Variants in KCND3 observed in about 807,000 individuals in gnomAD.
The protein encoded by KCND3 is A-type voltage-gated potassium channel KCND3.
In KCND3, 9 loss-of-function variants were observed where a neutral mutation model predicts 51.1. That is an observed-to-expected ratio of 0.18 (90% CI 0.11 to 0.31). KCND3 has a LOEUF of 0.31. Ranked by LOEUF, KCND3 falls within the 10% of genes least tolerant of loss-of-function variation. KCND3 has a pLI of 1.00. For missense variants in KCND3, 526 were observed against 903.8 expected (o/e 0.58, Z 5.36); for synonymous variants, 349 against 368.0 (o/e 0.95, Z 0.59).
At chr1:111,816,180 G>A (rs982002660) in intron 2 of KCND3, among the ~76,000 whole-genome samples, 6 of 152,372 alleles carry the variant, frequency 3.9e-5, no homozygotes, top group South Asian at 2.1e-4. Context: ...GTGTGGCCAG[G>A]AGGCAAACCC....
In KCND3 at chr1:111,774,780, G is replaced by T. The variant is rs1664041692; in HGVS notation, c.*1297C>A. ...GTTTGATATAAGTCAGAGGAATCTT[G>T]GTCCCCGTACCACTGCCCTCTCTGG... On this transcript the variant is annotated 3_prime_UTR_variant, in exon 8 of 8. Coordinates refer to ENST00000302127, the MANE Select transcript of KCND3 (RefSeq NM_001378969.1). 6.6e-6 allele frequency: 1 copy of T among 152,148 alleles called. No homozygotes were observed. Among genetic ancestry groups the T allele is most frequent in the Non-Finnish European group, 1.5e-5 (1 of 68,058 alleles). 9.4% of individuals were successfully genotyped at this position (152,148 alleles called of 1,614,324 possible). A position where few individuals can be genotyped will look rare whatever the true frequency, so the allele number is the denominator to read the frequency against.
chr1:111,898,097 C>T (rs1333953700), intron 2 of KCND3, among the ~76,000 whole-genome samples: 9 of 152,184 alleles, frequency 5.9e-5, no homozygotes, highest in Non-Finnish European at 1.2e-4. Context: ...ACGCATGGTC[C>T]TTGTCCTCTG....
At position 111,772,845 on chromosome 1, in the gene KCND3, T is replaced by A. The variant is rs942020527; in HGVS notation, c.*3232A>T. The stretch of plus-strand genomic sequence containing the variant: ...TTGGGAATATTTTATTATGTCAAAG[T>A]GGTTCATGAACTATGAAAGCTCAAG... On this transcript the variant is annotated 3_prime_UTR_variant, in exon 8 of 8. Transcript: ENST00000302127. The A allele has an allele frequency of 9.2e-5, 14 of 152,228 alleles. No individual in the cohort carries two copies. Among genetic ancestry groups the A allele is most frequent in the African/African-American group, 3.4e-4 (14 of 41,464 alleles). 9.4% of individuals were successfully genotyped at this position (152,228 alleles called of 1,614,324 possible).
chr1:111,820,022 C>T (rs184692429), intron 2 of KCND3, among the ~76,000 whole-genome samples: 2 of 152,334 alleles, frequency 1.3e-5, no homozygotes, highest in East Asian at 1.9e-4. Context: ...GGCTTAATTG[C>T]GTCACTCCTT....
intron 2 of KCND3, among the ~76,000 whole-genome samples, chr1:111,872,668 C>G (rs539297762): frequency 6.6e-6 from 1 of 152,150 alleles, no homozygotes; most frequent in East Asian, 1.9e-4. Context: ...AAATGGGAAA[C>G]AAGGAATCTT....
chr1:111,969,931 T>A (rs1439172666), intron 2 of KCND3, among the ~76,000 whole-genome samples: 1 of 152,194 alleles, frequency 6.6e-6, no homozygotes, highest in African/African-American at 2.4e-5. Context: ...TCACTCCACA[T>A]GCAAGCTAAT....
At chr1:111,853,070 A>G (rs992812492) in intron 2 of KCND3, among the ~76,000 whole-genome samples, 12 of 152,204 alleles carry the variant, frequency 7.9e-5, no homozygotes, top group African/African-American at 2.4e-4. Flanking sequence ...CGGCAATGCT[A>G]TGAGATAGGT....
intron 2 of KCND3, chr1:111,854,144 T>C (rs1667950048): frequency 6.6e-6 from 1 of 152,144 alleles, no homozygotes; most frequent in South Asian, 2.1e-4. Context: ...TAGCTGAGAA[T>C]GTTGTACTGC....
At position 111,788,704 on chromosome 1, in the gene KCND3, A is replaced by G. The variant is rs116473661; in HGVS notation, c.1107-1598T>C. On this transcript the variant is annotated intron_variant, in intron 2 of 7. Coordinates refer to ENST00000302127, the MANE Select transcript of KCND3 (RefSeq NM_001378969.1). ...TCTCCTCTGCCGTGGTACTCAGGAG[A>G]GGCCTCCAGGGAAGTGGTTGAGAAC... 6.5e-3 allele frequency among the ~76,000 whole-genome samples: 995 copies of G among 152,218 alleles called. 10 individuals carry two copies. The highest frequency in any genetic ancestry group is 0.023 in the African/African-American group (952 of 41,538).
chr1:111,952,383 A>T (rs1437268083), intron 2 of KCND3, among the ~76,000 whole-genome samples: 1 of 152,138 alleles, frequency 6.6e-6, no homozygotes, highest in Non-Finnish European at 1.5e-5. Flanking sequence ...TCTCCCATGT[A>T]GGGTCTAGGA....
intron 2 of KCND3, among the ~76,000 whole-genome samples, chr1:111,852,080 G>C (rs1037747400): frequency 6.6e-6 from 1 of 152,218 alleles, no homozygotes; most frequent in African/African-American, 2.4e-5. Context: ...TTCTCCCCTG[G>C]AGGATGGATG....
chr1:111,957,185 C>A (rs1266694760), intron 2 of KCND3, among the ~76,000 whole-genome samples: 2 of 152,236 alleles, frequency 1.3e-5, no homozygotes, highest in Non-Finnish European at 2.9e-5. Context: ...TTCAGAGTCA[C>A]TTCCCAGAAA....
intron 2 of KCND3, among the ~76,000 whole-genome samples, chr1:111,843,302 T>C (rs546805023): frequency 6.6e-6 from 1 of 152,304 alleles, no homozygotes; most frequent in Admixed American, 6.5e-5. Flanking sequence ...CCAGAGGCCC[T>C]ACCACGTGGA....
Position 111,798,784 on chromosome 1 carries a change from G to A in KCND3, c.1107-11678C>T, listed in dbSNP as rs576092670. Among the ~76,000 whole-genome samples the A allele has an allele frequency of 4.0e-5, 6 of 150,070 alleles. No homozygotes were observed. In the East Asian group the frequency reaches 1.2e-3, roughly 29 times the overall value. ...AGATTATCGGTGGAACTGCTGACTC[G>A]GCATACTGGATCATCAGAGGGCCTT... is the stretch of plus-strand genomic sequence containing the variant. On this transcript the variant is annotated intron_variant, in intron 2 of 7. Transcript: ENST00000302127.
At chr1:111,823,216 G>T (rs143654754) in intron 2 of KCND3, among the ~76,000 whole-genome samples, 6 of 152,224 alleles carry the variant, frequency 3.9e-5, no homozygotes. Flanking sequence ...TCCACAAATC[G>T]TGAGGTTCTT....
chr1:111,776,375 G>T, intron 7 of KCND3, 97 bp from the exon 8 acceptor site: 1 of 1,143,478 alleles, frequency 8.7e-7, no homozygotes, highest in Non-Finnish European at 1.3e-6. Flanking sequence ...TAACTAGGAG[G>T]ATATTTTGTT....
chr1:111,922,161 T>A (rs1049496595), intron 2 of KCND3, among the ~76,000 whole-genome samples: 9 of 152,308 alleles, frequency 5.9e-5, no homozygotes, highest in African/African-American at 2.2e-4. Context: ...TATGAACCCA[T>A]GGCCACAGGC....
rs554623619 is a variant in KCND3, at chr1:111,946,803, G to A, written c.1106+34818C>T. 2.6e-5 allele frequency among the ~76,000 whole-genome samples: 4 copies of A among 152,322 alleles called. No homozygotes were observed. In the East Asian group the frequency reaches 7.7e-4, roughly 29 times the overall value. ...CACATATGGGGGCCCCACTGGGTAG[G>A]CAAGGCCAAGGAGATAGCTGTTCAA... is the stretch of plus-strand genomic sequence containing the variant. On this transcript the variant is annotated intron_variant, in intron 2 of 7. Coordinates refer to ENST00000302127, the MANE Select transcript of KCND3 (RefSeq NM_001378969.1).
intron 2 of KCND3, among the ~76,000 whole-genome samples, chr1:111,891,368 T>C (rs1217485780): frequency 1.3e-5 from 2 of 152,116 alleles, no homozygotes; most frequent in East Asian, 3.8e-4. Context: ...AAGGAAGGTA[T>C]TTTAAGAAGG....
Sources: gnomAD v4.1 joint callset for allele counts (sites outside exome capture counted in the v4.1 genomes callset) on GRCh38, gnomAD v4.1.1 for gene constraint, MANE v1.5 for transcripts, NCBI Gene and HGNC (gene_info 2026-07-23, HGNC 2026-07-21) for gene names.